MCTP1: variants seen among roughly 807,000 people sequenced by gnomAD.
MCTP1 encodes multiple C2 and transmembrane domain-containing protein 1.
A neutral mutation model predicts 120.6 loss-of-function variants in MCTP1; 69 were observed. That is an observed-to-expected ratio of 0.57 (90% CI 0.47 to 0.70). The LOEUF is 0.70. Ranked by LOEUF, MCTP1 falls within the 30% of genes least tolerant of loss-of-function variation. The pLI is 0.00. For missense variants in MCTP1, 1,203 were observed against 1,248.8 expected (o/e 0.96, Z 0.55); for synonymous variants, 529 against 493.1 (o/e 1.07, Z -0.96).
At chr5:95,277,605 A>G (rs187524702) in intron 1 of MCTP1, among the ~76,000 whole-genome samples, 5 of 152,326 alleles carry the variant, frequency 3.3e-5, no homozygotes, top group African/African-American at 7.2e-5. Context: ...CACTAGGTCA[A>G]TTGTACTAGG....
At chr5:95,242,515 C>T (rs1756279382) in intron 1 of MCTP1, among the ~76,000 whole-genome samples, 1 of 152,020 alleles carries the variant, frequency 6.6e-6, no homozygotes, top group African/African-American at 2.4e-5. Flanking sequence ...CAGGTGAATG[C>T]ATAAACAAAT....
At chr5:95,053,146 T>C (rs971394999) in intron 1 of MCTP1, among the ~76,000 whole-genome samples, 1 of 152,204 alleles carries the variant, frequency 6.6e-6, no homozygotes, top group African/African-American at 2.4e-5. Context: ...AAAACATACT[T>C]TGGAGAAGTA....
At chr5:94,757,754 G>A (rs558528137) in intron 19 of MCTP1, among the ~76,000 whole-genome samples, 164 of 152,320 alleles carry the variant, frequency 1.1e-3, no homozygotes, top group African/African-American at 3.8e-3. Flanking sequence ...GGATGAATAA[G>A]TGAATAAAAG....
chr5:94,972,728 T>G (rs796230248), intron 2 of MCTP1, among the ~76,000 whole-genome samples: 9 of 152,282 alleles, frequency 5.9e-5, no homozygotes, highest in African/African-American at 2.2e-4. Flanking sequence ...GAAACAACTT[T>G]TCAAATAGAT....
At chr5:95,242,636 C>T (rs1002563715) in intron 1 of MCTP1, among the ~76,000 whole-genome samples, 1 of 152,034 alleles carries the variant, frequency 6.6e-6, no homozygotes, top group Non-Finnish European at 1.5e-5. Flanking sequence ...ATCCAAACTT[C>T]CTAATAAAAA....
chr5:94,791,500 T>TACACACACACAC (rs1215532713), intron 18 of MCTP1, among the ~76,000 whole-genome samples: 7,208 of 149,110 alleles, frequency 0.048, 182 homozygotes, highest in African/African-American at 0.062. Flanking sequence ...GTTTCTAAAA[T>TACACACACACAC]ACACACACAC....
chr5:94,738,583 T>G (rs1215118684), intron 19 of MCTP1, among the ~76,000 whole-genome samples: 1 of 152,150 alleles, frequency 6.6e-6, no homozygotes, highest in Non-Finnish European at 1.5e-5. Context: ...AAGACTTAAC[T>G]CAAAGCCCAT....
intron 1 of MCTP1, among the ~76,000 whole-genome samples, chr5:95,150,675 T>C (rs1760810069): frequency 6.6e-6 from 1 of 152,182 alleles, no homozygotes; most frequent in Non-Finnish European, 1.5e-5. Flanking sequence ...TGGCATTCTT[T>C]CAAAGAAAGT....
chr5:94,719,364 G>A (rs144024241), intron 19 of MCTP1, among the ~76,000 whole-genome samples: 1 of 152,316 alleles, frequency 6.6e-6, no homozygotes, highest in Non-Finnish European at 1.5e-5. Context: ...GCACATGTAT[G>A]TTAATTGCAG....
At chr5:94,938,502 T>A (rs1363282991) in intron 5 of MCTP1, among the ~76,000 whole-genome samples, 2 of 152,062 alleles carry the variant, frequency 1.3e-5, no homozygotes, top group Non-Finnish European at 2.9e-5. Flanking sequence ...TATTTTACAC[T>A]TCATATCTCA....
chr5:94,980,099 A>G (rs866771954), intron 2 of MCTP1, among the ~76,000 whole-genome samples: 7 of 152,132 alleles, frequency 4.6e-5, no homozygotes, highest in African/African-American at 1.7e-4. Context: ...AGTTTTAGGA[A>G]CTTTTAATAA....
Position 94,945,906 on chromosome 5 carries a change from T to C in MCTP1, c.982-3479A>G, listed in dbSNP as rs73774806. Among the ~76,000 whole-genome samples, 838 of 152,206 alleles carry C rather than the reference T, an allele frequency of 5.5e-3. 8 individuals are homozygous for C. The highest frequency in any genetic ancestry group is 0.019 in the African/African-American group (784 of 41,528). Reference sequence around the variant, plus strand: ...ACTGAGGAAACTGGCCAGGGGCCAGTGAGGCTGAAAGTAGTAAGCAAGAGA... The same window carrying C: ...ACTGAGGAAACTGGCCAGGGGCCAGCGAGGCTGAAAGTAGTAAGCAAGAGA... On this transcript the variant is annotated intron_variant, in intron 3 of 22. Transcript: ENST00000515393.
chr5:94,945,665 A>G (rs906885061), intron 3 of MCTP1, among the ~76,000 whole-genome samples: 1 of 152,206 alleles, frequency 6.6e-6, no homozygotes, highest in Non-Finnish European at 1.5e-5. Flanking sequence ...AGAAATACAT[A>G]TGCCAAGTAG....
intron 17 of MCTP1, among the ~76,000 whole-genome samples, chr5:94,848,513 C>A (rs1008809667): frequency 1.3e-5 from 2 of 152,088 alleles, no homozygotes; most frequent in Admixed American, 1.3e-4. Context: ...TCCTCACAAA[C>A]AATAAGCTCT....
intron 1 of MCTP1, among the ~76,000 whole-genome samples, chr5:95,122,692 C>G (rs1758333057): frequency 6.6e-6 from 1 of 152,146 alleles, no homozygotes; most frequent in South Asian, 2.1e-4. Flanking sequence ...GAGGTATCTG[C>G]CTTTCCATGT....
At chr5:95,007,815 T>C (rs1863431) in intron 2 of MCTP1, among the ~76,000 whole-genome samples, 1,883 of 152,318 alleles carry the variant, frequency 0.012, 15 homozygotes, top group Middle Eastern at 0.031. Context: ...CTTGAAAATA[T>C]TGTTCTCACA....
At chr5:94,823,882 GCA>G (rs1368363112) in intron 17 of MCTP1, among the ~76,000 whole-genome samples, 1 of 152,146 alleles carries the variant, frequency 6.6e-6, no homozygotes, top group African/African-American at 2.4e-5. Context: ...TGTGATTTTT[GCA>G]CATTGATTTT....
intron 1 of MCTP1, among the ~76,000 whole-genome samples, chr5:95,044,130 G>T (rs548722494): frequency 6.6e-6 from 1 of 152,286 alleles, no homozygotes; most frequent in South Asian, 2.1e-4. Context: ...CAAGTACTTT[G>T]TTGTCCTTGT....
chr5:95,029,524 A>T (rs1319990942), intron 1 of MCTP1, among the ~76,000 whole-genome samples: 1 of 152,192 alleles, frequency 6.6e-6, no homozygotes, highest in African/African-American at 2.4e-5. Context: ...GACCTCTTGG[A>T]GAATCCATGG....
Sources: gnomAD v4.1 joint callset for allele counts (sites outside exome capture counted in the v4.1 genomes callset) on GRCh38, gnomAD v4.1.1 for gene constraint, MANE v1.5 for transcripts, NCBI Gene and HGNC (gene_info 2026-07-23, HGNC 2026-07-21) for gene names.